Variants in ABLIM3 observed in about 807,000 individuals in gnomAD.
The protein encoded by ABLIM3 is actin-binding LIM protein 3.
A neutral mutation model predicts 109.5 loss-of-function variants in ABLIM3; 61 were observed. The observed-to-expected ratio is 0.56, with a 90% CI of 0.45 to 0.69. ABLIM3 has a LOEUF of 0.69. Among genes scored for constraint, ABLIM3 ranks in the 30% least tolerant of loss-of-function variants. The pLI is 0.00. For synonymous variants in ABLIM3, 300 were observed against 324.8 expected (o/e 0.92, Z 0.82); for missense variants, 796 against 889.5 (o/e 0.89, Z 1.34).
intron 5 of ABLIM3, among the ~76,000 whole-genome samples, chr5:149,202,713 G>A (rs371178504): frequency 1.9e-4 from 29 of 152,160 alleles, no homozygotes; most frequent in African/African-American, 6.5e-4. Flanking sequence ...CTACTCCAAA[G>A]AGACCAAGAA....
intron 3 of ABLIM3, among the ~76,000 whole-genome samples, chr5:149,194,235 A>C (rs1312595477): frequency 6.6e-6 from 1 of 152,248 alleles, no homozygotes; most frequent in Non-Finnish European, 1.5e-5. Flanking sequence ...AAATGTAAAA[A>C]ATGAGCAAAA....
intron 6 of ABLIM3, among the ~76,000 whole-genome samples, chr5:149,207,399 C>G (rs139034065): frequency 6.6e-6 from 1 of 152,290 alleles, no homozygotes; most frequent in Non-Finnish European, 1.5e-5. Context: ...CATGCCTTCC[C>G]CTCCGGCCGT....
chr5:149,178,301 T>C (rs914515628), intron 2 of ABLIM3, among the ~76,000 whole-genome samples: 2 of 152,102 alleles, frequency 1.3e-5, no homozygotes, highest in Non-Finnish European at 2.9e-5. Context: ...TGGGCTCTAA[T>C]TGAGAAGCCA....
At chr5:149,204,301 G>A (rs1581123199) in intron 5 of ABLIM3, among the ~76,000 whole-genome samples, 2 of 152,128 alleles carry the variant, frequency 1.3e-5, no homozygotes, top group African/African-American at 4.8e-5. Flanking sequence ...TGGACAGCTG[G>A]CTCTGCAGAC....
intron 10 of ABLIM3, 142 bp from the exon 11 acceptor site, chr5:149,237,306 T>C (rs1752302388): frequency 1.2e-6 from 1 of 860,170 alleles, no homozygotes; most frequent in Non-Finnish European, 1.8e-6. Context: ...AACATTCTAC[T>C]ATTCTTCAAT....
intron 8 of ABLIM3, 63 bp downstream of exon 8, chr5:149,217,109 TCTTCAGGTTCAGTGTTATCTTGG>T (rs1206336806): frequency 1.6e-5 from 23 of 1,451,138 alleles, no homozygotes; most frequent in Middle Eastern, 1.7e-4. Context: ...GGAGATGCGA[TCTTCAGGTTCAGTGTTATCTTGG>T]CTTCAGGTTC....
intron 2 of ABLIM3, among the ~76,000 whole-genome samples, chr5:149,167,194 A>C (rs1754913175): frequency 6.6e-6 from 1 of 152,214 alleles, no homozygotes; most frequent in Admixed American, 6.5e-5. Flanking sequence ...TTTGCATAAT[A>C]ATTCTAAGAA....
At chr5:149,239,444 G>A (rs540324073) in intron 12 of ABLIM3, among the ~76,000 whole-genome samples, 167 bp downstream of exon 12, 2 of 152,278 alleles carry the variant, frequency 1.3e-5, no homozygotes, top group South Asian at 4.1e-4. Context: ...AAGTGGTAGT[G>A]GCATACAGGA....
intron 3 of ABLIM3, among the ~76,000 whole-genome samples, chr5:149,192,094 A>G (rs1264385535): frequency 6.6e-6 from 1 of 152,208 alleles, no homozygotes; most frequent in African/African-American, 2.4e-5. Context: ...TGCTGAAGGC[A>G]TTCTCTAAGA....
At chr5:149,144,918 C>A (rs1049162288) in intron 2 of ABLIM3, among the ~76,000 whole-genome samples, 4 of 152,186 alleles carry the variant, frequency 2.6e-5, no homozygotes, top group Non-Finnish European at 4.4e-5. Flanking sequence ...CCCTGTGGAA[C>A]CTGCTTATAC....
intron 2 of ABLIM3, among the ~76,000 whole-genome samples, chr5:149,149,993 A>T (rs758242472): frequency 6.6e-6 from 1 of 152,204 alleles, no homozygotes; most frequent in Non-Finnish European, 1.5e-5. Context: ...CCTAGTTCCA[A>T]GGAAAGAACT....
chr5:149,146,470 C>T (rs1430275066), intron 2 of ABLIM3, among the ~76,000 whole-genome samples: 3 of 152,186 alleles, frequency 2.0e-5, no homozygotes, highest in Admixed American at 6.5e-5. Flanking sequence ...AATCTTTCAT[C>T]CATCTTGAGT....
intron 5 of ABLIM3, among the ~76,000 whole-genome samples, chr5:149,204,219 A>G (rs973725200): frequency 6.6e-6 from 1 of 152,210 alleles, no homozygotes; most frequent in African/African-American, 2.4e-5. Context: ...TCTGAGAGGG[A>G]CAGGTGGTAG....
In ABLIM3 at chr5:149,181,485, A is replaced by G. The variant is rs535656570; in HGVS notation, c.14-1967A>G. ...TGTCTTGAATTTAAGACAGAGAAAA[A>G]TAGATGAATAATGTGCATAAACTGC... On this transcript the variant is annotated intron_variant, in intron 2 of 23. Transcript: ENST00000309868. Among the ~76,000 whole-genome samples the G allele has an allele frequency of 3.3e-5, 5 of 152,372 alleles. No homozygotes were observed. The South Asian group carries it at 1.0e-3, about 32-fold the overall frequency.
chr5:149,251,367 C>G lies in ABLIM3; in HGVS notation c.1797C>G (p.Ser599Arg), dbSNP rs150543954. The G allele has an allele frequency of 6.2e-7, 1 of 1,614,146 alleles. No homozygotes were observed. The highest frequency in any genetic ancestry group is 8.5e-7 in the Non-Finnish European group (1 of 1,180,032). The change falls in exon 21 of 24, where the codon AGC (serine) becomes AGG (arginine). Residue 599 changes from serine (S) to arginine (R), a missense_variant. Ser to Arg is a moderately radical substitution (Grantham distance 110). Transcript: ENST00000309868. ...YRRNGLHRTP[S>R]ADLFHYDSMN... ...TTCTGTCTCTTCTGCAGACACCCAG[C>G]GCAGACCTCTTCCACTACGACAGCA... is the stretch of plus-strand genomic sequence containing the variant.
Position 149,142,000 on chromosome 5 carries a change from AC to A in ABLIM3, c.-87-3del, listed in dbSNP as rs571717870. On this transcript the variant is annotated splice_polypyrimidine_tract_variant and splice_region_variant and intron_variant, in intron 1 of 23. Coordinates refer to ENST00000309868, the MANE Select transcript of ABLIM3 (RefSeq NM_014945.5). ...AGAGCTGGCACTGGACTGCCTTTTCACCCCCCAGGTGATGAGTGAGGTTCGA... is the reference window on the plus strand; with the variant it reads ...AGAGCTGGCACTGGACTGCCTTTTCACCCCCAGGTGATGAGTGAGGTTCGA... 6.3e-7 allele frequency: 1 copy of A among 1,586,066 alleles called. No homozygotes were observed. Among genetic ancestry groups the A allele is most frequent in the African/African-American group, 1.3e-5 (1 of 74,396 alleles).
chr5:149,141,913 G>T, intron 1 of ABLIM3, 96 bp from the exon 2 acceptor site: 1 of 875,352 alleles, frequency 1.1e-6, no homozygotes, highest in Non-Finnish European at 1.8e-6. Context: ...CGCCTTCAAG[G>T]CCAGGGGCTA....
chr5:149,238,627 C>T (rs1296061430), intron 11 of ABLIM3, among the ~76,000 whole-genome samples: 2 of 152,236 alleles, frequency 1.3e-5, no homozygotes, highest in Non-Finnish European at 2.9e-5. Context: ...CAAGTAAACA[C>T]TGGGAGATTT....
At chr5:149,151,752 G>T (rs919313260) in intron 2 of ABLIM3, among the ~76,000 whole-genome samples, 5 of 152,326 alleles carry the variant, frequency 3.3e-5, no homozygotes, top group African/African-American at 1.2e-4. Flanking sequence ...TACAACTGTG[G>T]TGTTTCAATA....
Sources: allele counts gnomAD v4.1 joint callset (sites outside exome capture counted in the v4.1 genomes callset), GRCh38; gene constraint gnomAD v4.1.1; transcripts MANE v1.5; gene names NCBI Gene and HGNC (gene_info 2026-07-23, HGNC 2026-07-21).